CASZ1: variants seen among roughly 807,000 people sequenced by gnomAD.
CASZ1 encodes the protein castor zinc finger 1, also known as zinc finger protein castor homolog 1.
CASZ1 carries 28 observed loss-of-function variants against 135.2 expected under a neutral mutation model. The observed-to-expected ratio is 0.21, with a 90% confidence interval of 0.15 to 0.28. The LOEUF is 0.28. Among genes scored for constraint, CASZ1 ranks in the 10% least tolerant of loss-of-function variants. CASZ1 has a pLI of 1.00. For synonymous variants in CASZ1, 1,068 were observed against 1,073.4 expected (o/e 0.99, Z 0.10); for missense variants, 2,161 against 2,453.3 (o/e 0.88, Z 2.52).
chr1:10,675,334 G>C (rs1643533332), intron 4 of CASZ1, among the ~76,000 whole-genome samples: 2 of 152,162 alleles, frequency 1.3e-5, no homozygotes, highest in Non-Finnish European at 2.9e-5. Context: ...GGCCAGGGTC[G>C]AGCCAGGGAG....
rs367878659 is a variant in CASZ1, at chr1:10,789,980, G to C, written c.-234+6584C>G. 1.8e-4 allele frequency among the ~76,000 whole-genome samples: 28 copies of C among 152,104 alleles called. 1 individual carries two copies. Among genetic ancestry groups the C allele is most frequent in the Admixed American group, 1.8e-3 (28 of 15,282 alleles). ...AACTTAACTTGGTGAACTCAAGGGG[G>C]CCCGAGGTGGGGGTGCCCCCCTCCC... is the stretch of plus-strand genomic sequence containing the variant. On this transcript the variant is annotated intron_variant, in intron 1 of 20. Coordinates refer to ENST00000377022, the MANE Select transcript of CASZ1 (RefSeq NM_001079843.3).
Position 10,700,453 on chromosome 1 carries a change from T to C in CASZ1, c.-24+5039A>G, listed in dbSNP as rs734736. 0.31 allele frequency among the ~76,000 whole-genome samples: 47,886 copies of C among 152,042 alleles called. 7,975 individuals carry two copies. The highest frequency in any genetic ancestry group is 0.41 in the Middle Eastern group (122 of 294). The stretch of plus-strand genomic sequence containing the variant: ...TTTCTATGTGGAGCTGCCAGCGTAC[T>C]TGGGGAGAAGACACGTGTGCTGCTG... On this transcript the variant is annotated intron_variant, in intron 3 of 20. Transcript: ENST00000377022. This position sits in a 1 kb window ranked among gnomAD's most constrained non-coding sequence, Gnocchi z 4.2.
intron 18 of CASZ1, 21 bp downstream of exon 18, chr1:10,644,896 C>G: frequency 6.2e-7 from 1 of 1,602,442 alleles, no homozygotes; most frequent in Non-Finnish European, 8.5e-7. Context: ...AGTCCCTGCC[C>G]GCAGCCCCAG....
At chr1:10,667,289 C>T (rs1643266297) in intron 4 of CASZ1, among the ~76,000 whole-genome samples, 1 of 152,194 alleles carries the variant, frequency 6.6e-6, no homozygotes, top group African/African-American at 2.4e-5. Flanking sequence ...CTCACTTGGC[C>T]CAGACGAGAC....
In CASZ1 at chr1:10,639,669, A is replaced by C. The variant is rs1489795410; in HGVS notation, c.4553T>G (p.Leu1518Arg). The part of the protein sequence containing the change: ...FSGTSTHFHC[L>R]RCRFRCTDST... ...GTCGGTGCAGCGGAAGCGGCAGCGC[A>C]GGCAGTGGAAGTGCGTGCTGGTGCC... Residue 1518 changes from leucine (L) to arginine (R), a missense_variant, in exon 21 of 21, where the codon CTG becomes CGG. Leu to Arg is a moderately radical substitution (Grantham distance 102). Around this residue, in one of 7 missense-constraint regions of CASZ1, gnomAD observed 240 missense variants for 321.4 expected, o/e 0.75. Transcript: ENST00000377022. This position sits in a 1 kb window ranked among gnomAD's most constrained non-coding sequence, Gnocchi z 4.0. The C allele has an allele frequency of 6.2e-7, 1 of 1,600,732 alleles. No individual in the cohort carries two copies. The highest frequency in any genetic ancestry group is 1.7e-5 in the Admixed American group (1 of 58,184).
chr1:10,650,923 TA>T lies in CASZ1; in HGVS notation c.2816+17del. 6.2e-7 allele frequency: 1 copy of T among 1,606,704 alleles called. No homozygotes were observed. The highest frequency in any genetic ancestry group is 1.1e-5 in the South Asian group (1 of 90,254). On this transcript the variant is annotated intron_variant, in intron 12 of 20. Transcript: ENST00000377022. The stretch of plus-strand genomic sequence containing the variant: ...GTGTGGTTCCCGGGGCTGGCTCCCA[TA>T]GGGGGCCTCGCCTCACCTGGGCTCC...
intron 11 of CASZ1, chr1:10,652,906 A>C: frequency 5.7e-6 from 1 of 175,682 alleles, no homozygotes; most frequent in Non-Finnish European, 1.2e-5. Context: ...GAGCCTGGGA[A>C]GGGCGTCCCT....
chr1:10,763,236 C>A (rs1397888775), intron 1 of CASZ1, among the ~76,000 whole-genome samples: 1 of 152,212 alleles, frequency 6.6e-6, no homozygotes, highest in African/African-American at 2.4e-5. Flanking sequence ...GTCTCTGTGA[C>A]CAGCGGCTCC....
rs1371999646 is a variant in CASZ1, at chr1:10,725,859, T to C, written c.-76-20315A>G. ...AGCAGGGCAGGTGTAAGAGAGTCAT[T>C]GAGGGGGCCAGAGGGCCTGCCGAAT... On this transcript the variant is annotated intron_variant, in intron 2 of 20. Coordinates refer to ENST00000377022, the MANE Select transcript of CASZ1 (RefSeq NM_001079843.3). This position sits in a 1 kb window ranked among gnomAD's most constrained non-coding sequence, Gnocchi z 4.4. Among the ~76,000 whole-genome samples, 1 of 151,746 alleles carries C rather than the reference T, an allele frequency of 6.6e-6. No homozygotes were observed. Among genetic ancestry groups the C allele is most frequent in the African/African-American group, 2.4e-5 (1 of 41,294 alleles).
At position 10,718,441 on chromosome 1, in the gene CASZ1, T is replaced by C. The variant is rs77671368; in HGVS notation, c.-76-12897A>G. Among the ~76,000 whole-genome samples, 1,148 of 152,368 alleles carry C rather than the reference T, an allele frequency of 7.5e-3. 51 individuals are homozygous for C. The East Asian group carries it at 0.12, about 16-fold the overall frequency. ...TTGGCTTCTTGGCATTTAACAGATA[T>C]AGCTGCCGCAGGACTCCCCCAGACT... is the stretch of plus-strand genomic sequence containing the variant. On this transcript the variant is annotated intron_variant, in intron 2 of 20. Coordinates refer to ENST00000377022, the MANE Select transcript of CASZ1 (RefSeq NM_001079843.3).
In CASZ1 at chr1:10,662,183, CAT is replaced by C. The variant is rs578195416; in HGVS notation, c.506-1649_506-1648del. On this transcript the variant is annotated intron_variant, in intron 5 of 20. Transcript: ENST00000377022. The stretch of plus-strand genomic sequence containing the variant: ...CAGTCACAACACACACATGCATTCT[CAT>C]ACACTCTCATATCCCCACGCACAGT... Among the ~76,000 whole-genome samples, 1,206 of 151,944 alleles carry C rather than the reference CAT, an allele frequency of 7.9e-3. 11 individuals are homozygous for C. The highest frequency in any genetic ancestry group is 0.014 in the Non-Finnish European group (932 of 67,918).
rs1570388717 is a variant in CASZ1, at chr1:10,639,109, C to T, written c.5113G>A (p.Asp1705Asn). ...EDDDEDDDDE[D>N]DDEDDDDEDL... ...TCGTCGTCGTCGTCCTCGTCGTCGT[C>T]CTCGTCGTCGTCGTCCTCGTCGTCG... The change falls in exon 21 of 21, where the codon GAC (aspartate) becomes AAC (asparagine). Residue 1705 changes from aspartate to asparagine, a missense_variant. Coordinates refer to ENST00000377022, the MANE Select transcript of CASZ1 (RefSeq NM_001079843.3). This position sits in a 1 kb window ranked among gnomAD's most constrained non-coding sequence, Gnocchi z 4.0. The T allele has an allele frequency of 3.4e-6, 4 of 1,161,674 alleles. No individual in the cohort carries two copies. Among genetic ancestry groups the T allele is most frequent in the African/African-American group, 1.7e-5 (1 of 59,616 alleles). The allele number at this position is 1,161,674 out of a possible 1,614,324, so 72.0% of individuals were successfully genotyped here.
chr1:10,679,561 A>G lies in CASZ1; in HGVS notation c.17-13990T>C, dbSNP rs1638345955. Among the ~76,000 whole-genome samples, 1 of 151,244 alleles carries G rather than the reference A, an allele frequency of 6.6e-6. No individual in the cohort carries two copies. The highest frequency in any genetic ancestry group is 2.1e-4 in the South Asian group (1 of 4,750). ...CCCCCCGCGGGCCCCTCCTCCCCAT[A>G]CCATAGTCCTGGTTCCCAGCCTGCA... On this transcript the variant is annotated intron_variant, in intron 4 of 20. Coordinates refer to ENST00000377022, the MANE Select transcript of CASZ1 (RefSeq NM_001079843.3). The surrounding 1 kb of genome is among the most constrained non-coding windows in gnomAD (Gnocchi z 4.7).
chr1:10,712,805 A>G (rs934972994), intron 2 of CASZ1, among the ~76,000 whole-genome samples: 1 of 152,210 alleles, frequency 6.6e-6, no homozygotes, highest in African/African-American at 2.4e-5. Flanking sequence ...GCGGATCCCA[A>G]TACACACGGC....
chr1:10,644,218 C>T (rs1642295793), intron 18 of CASZ1, among the ~76,000 whole-genome samples: 1 of 152,162 alleles, frequency 6.6e-6, no homozygotes, highest in African/African-American at 2.4e-5. Flanking sequence ...TGGTCTCTTC[C>T]TAGGGAGAGT....
At chr1:10,652,046 C>T (rs1642609073) in intron 11 of CASZ1, 1 of 152,282 alleles carries the variant, frequency 6.6e-6, no homozygotes, top group African/African-American at 2.4e-5. Flanking sequence ...GGCCACCGGG[C>T]ATGAGCGTCC....
At position 10,660,674 on chromosome 1, in the gene CASZ1, T is replaced by C. The variant is rs1315980943; in HGVS notation, c.506-138A>G. 1.9e-5 allele frequency: 12 copies of C among 622,202 alleles called. No individual in the cohort carries two copies. In the East Asian group the frequency reaches 2.2e-4, roughly 12 times the overall value. 38.5% of individuals were successfully genotyped at this position (622,202 alleles called of 1,614,324 possible). A position where few individuals can be genotyped will look rare whatever the true frequency, so the allele number is the denominator to read the frequency against. On this transcript the variant is annotated intron_variant, in intron 5 of 20. Coordinates refer to ENST00000377022, the MANE Select transcript of CASZ1 (RefSeq NM_001079843.3). Reference sequence around the variant, plus strand: ...GAGCAGGACACGATCTATGGACGTTTGGCTCACTTGTTAGGTTTTACGACT... The same window carrying C: ...GAGCAGGACACGATCTATGGACGTTCGGCTCACTTGTTAGGTTTTACGACT...
chr1:10,716,097 A>C (rs1416810540), intron 2 of CASZ1, among the ~76,000 whole-genome samples: 7 of 47,044 alleles, frequency 1.5e-4, no homozygotes, highest in East Asian at 1.2e-3. Context: ...CACCCAATCC[A>C]CACCCACAGC....
rs911746825 is a variant in CASZ1, at chr1:10,747,370, A to G, written c.-77+13331T>C. On this transcript the variant is annotated intron_variant, in intron 2 of 20. Coordinates refer to ENST00000377022, the MANE Select transcript of CASZ1 (RefSeq NM_001079843.3). This position sits in a 1 kb window ranked among gnomAD's most constrained non-coding sequence, Gnocchi z 4.3. ...TGGGCAGGGATTCTTACCAAGTGCTAAGTCTAGCACCTGCCAAACCGTGGC... is the reference window on the plus strand; with the variant it reads ...TGGGCAGGGATTCTTACCAAGTGCTGAGTCTAGCACCTGCCAAACCGTGGC... Among the ~76,000 whole-genome samples, 1 of 152,180 alleles carries G rather than the reference A, an allele frequency of 6.6e-6. No individual in the cohort carries two copies. Among genetic ancestry groups the G allele is most frequent in the Non-Finnish European group, 1.5e-5 (1 of 68,028 alleles).
Sources: allele counts gnomAD v4.1 joint callset (sites outside exome capture counted in the v4.1 genomes callset), GRCh38; gene constraint gnomAD v4.1.1; regional missense constraint gnomAD v4.1.1; non-coding constraint Gnocchi (gnomAD v3.1); transcripts MANE v1.5; gene names NCBI Gene and HGNC (gene_info 2026-07-23, HGNC 2026-07-21).